Variants in NYAP2 observed in about 807,000 individuals in gnomAD.
NYAP2 encodes neuronal tyrosine-phosphorylated phosphoinositide-3-kinase adapter 2.
Under a neutral mutation model 50.4 loss-of-function variants are expected in NYAP2, and 23 were observed. The ratio of observed to expected loss-of-function variants is 0.46; its 90% CI spans 0.33 to 0.65. The LOEUF (loss-of-function observed/expected upper bound fraction) is 0.65, where lower values mean the gene tolerates loss of function less well. Among genes scored for constraint, NYAP2 ranks in the 30% least tolerant of loss-of-function variants. The probability of loss-of-function intolerance (pLI) is 0.02; values close to 1 mark genes in which losing one functional copy is unlikely to be tolerated. For synonymous variants in NYAP2, 394 were observed against 365.2 expected (o/e 1.08, Z -0.90); for missense variants, 885 against 861.0 (o/e 1.03, Z -0.35).
intron 3 of NYAP2, among the ~76,000 whole-genome samples, chr2:225,435,668 T>C (rs986480158): frequency 1.3e-4 from 20 of 152,234 alleles, no homozygotes; most frequent in African/African-American, 4.8e-4. Flanking sequence ...CCCTGTAAAA[T>C]ATCCACTTCA....
intron 5 of NYAP2, among the ~76,000 whole-genome samples, chr2:225,587,931 T>C (rs1692416134): frequency 6.6e-6 from 1 of 152,024 alleles, no homozygotes; most frequent in Non-Finnish European, 1.5e-5. Context: ...AAGTAGTAAA[T>C]ACTTTTTTTT....
At chr2:225,656,071 G>A (rs934804910), downstream of NYAP2, among the ~76,000 whole-genome samples, 5 of 151,998 alleles carry the variant, frequency 3.3e-5, no homozygotes, top group Non-Finnish European at 5.9e-5. Context: ...CAACTTCTTC[G>A]GAGGCTTGTT....
intron 5 of NYAP2, among the ~76,000 whole-genome samples, chr2:225,621,523 G>C (rs1158276681): frequency 6.6e-6 from 1 of 152,010 alleles, no homozygotes; most frequent in Non-Finnish European, 1.5e-5. Context: ...CTTCAGTTTT[G>C]CCAGACAAAA....
intron 5 of NYAP2, among the ~76,000 whole-genome samples, chr2:225,612,325 G>A (rs573929802): frequency 1.2e-4 from 18 of 151,034 alleles, no homozygotes; most frequent in South Asian, 8.5e-4. Context: ...AAAATAACCC[G>A]AACAAAACAA....
intron 3 of NYAP2, among the ~76,000 whole-genome samples, chr2:225,485,903 G>A (rs904791781): frequency 6.6e-6 from 1 of 152,178 alleles, no homozygotes; most frequent in Admixed American, 6.5e-5. Context: ...ATATTTGGCA[G>A]CATCCATGGC....
In NYAP2 at chr2:225,519,237, T is replaced by G. The variant is rs148711467; in HGVS notation, c.523+5565T>G. 5.2e-3 allele frequency among the ~76,000 whole-genome samples: 784 copies of G among 151,924 alleles called. 12 individuals are homozygous for G. The highest frequency in any genetic ancestry group is 0.018 in the African/African-American group (752 of 41,494). ...TATGATATTAACATAGTATTTAGTA[T>G]AAAGAATATTTTATTTTTTTATTTT... On this transcript the variant is annotated intron_variant, in intron 4 of 6. Coordinates refer to ENST00000636099, the Ensembl canonical transcript of NYAP2.
chr2:225,401,824 C>T (rs1694867536), intron 2 of NYAP2, among the ~76,000 whole-genome samples: 2 of 151,708 alleles, frequency 1.3e-5, no homozygotes, highest in Non-Finnish European at 2.9e-5. Context: ...CTTTTGGTAC[C>T]ATAGAATTGG....
chr2:225,422,793 T>C (rs936134124), intron 3 of NYAP2, among the ~76,000 whole-genome samples: 1 of 150,786 alleles, frequency 6.6e-6, no homozygotes, highest in African/African-American at 2.5e-5. Context: ...GGAAACAAAG[T>C]AACAGAACGC....
intron 3 of NYAP2, among the ~76,000 whole-genome samples, chr2:225,419,960 T>C (rs1386981116): frequency 6.6e-6 from 1 of 152,228 alleles, no homozygotes; most frequent in African/African-American, 2.4e-5. Flanking sequence ...ATTTTGTTCT[T>C]TTTCCTAAAA....
chr2:225,615,082 C>T (rs1256004643), intron 5 of NYAP2, among the ~76,000 whole-genome samples: 1 of 152,130 alleles, frequency 6.6e-6, no homozygotes, highest in African/African-American at 2.4e-5. Flanking sequence ...ATGCCCAGAC[C>T]TGGAAGTAGC....
At chr2:225,558,716 T>C (rs1347072986) in intron 4 of NYAP2, among the ~76,000 whole-genome samples, 5 of 151,722 alleles carry the variant, frequency 3.3e-5, no homozygotes, top group African/African-American at 1.2e-4. Flanking sequence ...GCTATGGACA[T>C]TTTCGGGGGG....
In NYAP2 at chr2:225,612,190, G is replaced by A. The variant is rs571386404; in HGVS notation, c.1619-14727G>A. On this transcript the variant is annotated intron_variant, in intron 5 of 6. Transcript: ENST00000636099. ...TGAAGTGTCTCAGGAGATGAGTTGT[G>A]TATAAGATGTACTACCTAGATTTCC... Among the ~76,000 whole-genome samples the A allele has an allele frequency of 4.0e-5, 6 of 149,630 alleles. No individual in the cohort carries two copies. In the South Asian group the frequency reaches 1.3e-3, roughly 32 times the overall value.
intron 6 of NYAP2, among the ~76,000 whole-genome samples, chr2:225,633,248 A>G (rs1014149107): frequency 6.6e-6 from 1 of 152,226 alleles, no homozygotes; most frequent in African/African-American, 2.4e-5. Context: ...ATGCACACAG[A>G]CATATATAGG....
At chr2:225,618,353 G>A (rs1457538891) in intron 5 of NYAP2, among the ~76,000 whole-genome samples, 1 of 152,198 alleles carries the variant, frequency 6.6e-6, no homozygotes, top group Non-Finnish European at 1.5e-5. Flanking sequence ...CACCTGTCCA[G>A]GTGCAGGCCA....
the NYAP2 span, among the ~76,000 whole-genome samples, chr2:225,676,642 C>T: frequency 6.6e-6 from 1 of 152,104 alleles, no homozygotes; most frequent in South Asian, 2.1e-4. Context: ...TCTTGTGAGA[C>T]CCATTCACTA....
rs375026321 is a variant in NYAP2 at position 225,589,685 on chromosome 2, A to G, written c.1618+6650A>G. On this transcript the variant is annotated intron_variant, in intron 5 of 6. Coordinates refer to ENST00000636099, the Ensembl canonical transcript of NYAP2. ...TCTCCAGACTGGGTAACAGAGCAAG[A>G]CCCTGTCTTAAAAAATAGGAAAATA... is the stretch of plus-strand genomic sequence containing the variant. Among the ~76,000 whole-genome samples the G allele has an allele frequency of 1.4e-4, 21 of 151,834 alleles. No homozygotes were observed. The East Asian group carries it at 2.7e-3, about 20-fold the overall frequency.
intron 3 of NYAP2, among the ~76,000 whole-genome samples, chr2:225,436,003 G>A (rs1343849643): frequency 6.6e-6 from 1 of 152,148 alleles, no homozygotes; most frequent in African/African-American, 2.4e-5. Flanking sequence ...TTAAGAACTA[G>A]GAAATATAAG....
At chr2:225,565,049 G>A (rs367810299) in intron 4 of NYAP2, among the ~76,000 whole-genome samples, 1 of 151,696 alleles carries the variant, frequency 6.6e-6, no homozygotes, top group Non-Finnish European at 1.5e-5. Flanking sequence ...AGAATTGCTT[G>A]TACCTTGTGG....
chr2:225,651,666 T>A (rs1693734829), exon 7 of NYAP2: 2 of 1,285,422 alleles, frequency 1.6e-6, no homozygotes, highest in Non-Finnish European at 1.1e-6. Flanking sequence ...GTGTATGGGT[T>A]AGGGGATGCG....
Sources: allele counts gnomAD v4.1 joint callset (sites outside exome capture counted in the v4.1 genomes callset), GRCh38; gene constraint gnomAD v4.1.1; transcripts MANE v1.5; gene names NCBI Gene and HGNC (gene_info 2026-07-23, HGNC 2026-07-21).